SPATA17: variants seen among roughly 807,000 people sequenced by gnomAD.
The protein encoded by SPATA17 is spermatogenesis-associated protein 17.
In SPATA17, 53 loss-of-function variants were observed where a neutral mutation model predicts 62.2. The observed-to-expected ratio is 0.85, with a 90% confidence interval of 0.68 to 1.07. The LOEUF is 1.07. SPATA17 is among the 50% of genes least tolerant of loss of function. The probability of loss-of-function intolerance (pLI) is 0.00; values close to 1 mark genes in which losing one functional copy is unlikely to be tolerated. For missense variants in SPATA17, 466 were observed against 425.5 expected (o/e 1.10, Z -0.84); for synonymous variants, 146 against 146.8 (o/e 0.99, Z 0.04).
chr1:217,710,625 A>G (rs1429606011), intron 5 of SPATA17, among the ~76,000 whole-genome samples: 1 of 152,172 alleles, frequency 6.6e-6, no homozygotes. Context: ...ATGTATCATG[A>G]AAGTTTTTTA....
rs896239274 is a variant in SPATA17 at position 217,871,562 on chromosome 1, T to A, written c.*4543T>A. On this transcript the variant is annotated 3_prime_UTR_variant, in exon 11 of 11. Transcript: ENST00000366933. ...GGATCAGAATTCACTTTTTCCAAGT[T>A]ACAGATTTTAATAAACCACTGTGCA... is the stretch of plus-strand genomic sequence containing the variant. The A allele has an allele frequency of 6.6e-6, 1 of 152,192 alleles. No individual in the cohort carries two copies. Among genetic ancestry groups the A allele is most frequent in the African/African-American group, 2.4e-5 (1 of 41,466 alleles). 9.4% of individuals were successfully genotyped at this position (152,192 alleles called of 1,614,324 possible). A position where few individuals can be genotyped will look rare whatever the true frequency, so the allele number is the denominator to read the frequency against.
chr1:217,659,468 G>A (rs2102889721), intron 3 of SPATA17, among the ~76,000 whole-genome samples: 1 of 152,072 alleles, frequency 6.6e-6, no homozygotes, highest in East Asian at 1.9e-4. Flanking sequence ...TATTTTTAAA[G>A]GAATTTTTTA....
chr1:217,712,084 A>C (rs1336982494), intron 5 of SPATA17, among the ~76,000 whole-genome samples: 2 of 150,234 alleles, frequency 1.3e-5, no homozygotes, highest in South Asian at 2.1e-4. Flanking sequence ...TTTTACATTC[A>C]GTGTACTGAG....
chr1:217,773,454 A>G (rs1673505606), intron 6 of SPATA17, among the ~76,000 whole-genome samples: 1 of 152,174 alleles, frequency 6.6e-6, no homozygotes, highest in African/African-American at 2.4e-5. Context: ...TCATGGAACC[A>G]TATATCAAAG....
chr1:217,654,368 G>A (rs12089979), intron 3 of SPATA17, among the ~76,000 whole-genome samples: 2,574 of 152,036 alleles, frequency 0.017, 62 homozygotes, highest in African/African-American at 0.059. Context: ...TCCAACTCCT[G>A]CCTGCCTCTG....
chr1:217,761,552 A>G (rs993635860), intron 6 of SPATA17, among the ~76,000 whole-genome samples: 7 of 152,140 alleles, frequency 4.6e-5, no homozygotes, highest in Non-Finnish European at 4.4e-5. Flanking sequence ...TTGTGACTCA[A>G]ATGGAAGAGC....
At chr1:217,767,087 C>T (rs1673318524) in intron 6 of SPATA17, among the ~76,000 whole-genome samples, 1 of 152,056 alleles carries the variant, frequency 6.6e-6, no homozygotes, top group African/African-American at 2.4e-5. Context: ...TTTTCTTTAT[C>T]TGAGAAAGTC....
intron 9 of SPATA17, among the ~76,000 whole-genome samples, chr1:217,841,513 C>T (rs973907318): frequency 6.6e-6 from 1 of 151,896 alleles, no homozygotes; most frequent in Non-Finnish European, 1.5e-5. Flanking sequence ...TCTACATTCA[C>T]CCGTTTCCTG....
chr1:217,754,823 T>C (rs1185821728), intron 6 of SPATA17, among the ~76,000 whole-genome samples: 4 of 152,086 alleles, frequency 2.6e-5, no homozygotes, highest in Admixed American at 2.6e-4. Flanking sequence ...CTGTGCACTC[T>C]ATCATGAAAT....
intron 9 of SPATA17, among the ~76,000 whole-genome samples, chr1:217,852,071 G>T (rs1675679166): frequency 6.6e-6 from 1 of 152,084 alleles, no homozygotes; most frequent in Non-Finnish European, 1.5e-5. Flanking sequence ...CAAGGAAAAT[G>T]AATGAAACAT....
intron 9 of SPATA17, among the ~76,000 whole-genome samples, chr1:217,808,820 A>G (rs962110510): frequency 6.6e-6 from 1 of 150,816 alleles, no homozygotes; most frequent in East Asian, 2.0e-4. Context: ...GCGCCACTGC[A>G]CTCCAGTCTG....
intron 9 of SPATA17, among the ~76,000 whole-genome samples, chr1:217,849,681 G>C (rs182981620): frequency 6.6e-6 from 1 of 152,118 alleles, no homozygotes; most frequent in Admixed American, 6.6e-5. Flanking sequence ...TTTGTGCCTG[G>C]TGCCTGCTGT....
intron 3 of SPATA17, among the ~76,000 whole-genome samples, chr1:217,653,455 A>G (rs1670367489): frequency 6.6e-6 from 1 of 152,318 alleles, no homozygotes. Context: ...AAAGGTGATC[A>G]GGATAATTTG....
chr1:217,651,061 G>T, intron 2 of SPATA17, 36 bp from the exon 3 acceptor site: 1 of 1,475,036 alleles, frequency 6.8e-7, no homozygotes, highest in South Asian at 1.2e-5. Context: ...TTGTTTCAAT[G>T]AAAGGATACT....
At chr1:217,823,639 T>C (rs1278419803) in intron 9 of SPATA17, among the ~76,000 whole-genome samples, 1 of 151,972 alleles carries the variant, frequency 6.6e-6, no homozygotes, top group East Asian at 1.9e-4. Context: ...TGGTCTATAG[T>C]ACAGTTTAAA....
At chr1:217,823,345 C>T (rs1023159533) in intron 9 of SPATA17, among the ~76,000 whole-genome samples, 1 of 151,972 alleles carries the variant, frequency 6.6e-6, no homozygotes, top group African/African-American at 2.4e-5. Flanking sequence ...TGCTCAAATT[C>T]TCCCTACAAA....
chr1:217,670,337 C>T (rs1359738566), intron 4 of SPATA17, among the ~76,000 whole-genome samples: 1 of 152,132 alleles, frequency 6.6e-6, no homozygotes, highest in Non-Finnish European at 1.5e-5. Context: ...GAGATCCTCC[C>T]TCCCTTCTGC....
chr1:217,690,633 TC>T (rs1198375460), intron 5 of SPATA17, among the ~76,000 whole-genome samples: 19 of 84,762 alleles, frequency 2.2e-4, no homozygotes, highest in South Asian at 5.6e-4. Context: ...ATGCTATCCC[TC>T]CCCCCTCCCC....
intron 5 of SPATA17, among the ~76,000 whole-genome samples, chr1:217,711,310 G>A (rs1671856721): frequency 6.6e-6 from 1 of 152,156 alleles, no homozygotes; most frequent in African/African-American, 2.4e-5. Flanking sequence ...GCACTGCCAA[G>A]TAGGCCATGG....
Sources: allele counts gnomAD v4.1 joint callset (sites outside exome capture counted in the v4.1 genomes callset), GRCh38; gene constraint gnomAD v4.1.1; transcripts MANE v1.5; gene names NCBI Gene and HGNC (gene_info 2026-07-23, HGNC 2026-07-21).